Variants in SH3BP4 observed in about 807,000 individuals in gnomAD.
SH3BP4 encodes SH3 domain-binding protein 4.
A neutral mutation model predicts 65.5 loss-of-function variants in SH3BP4; 33 were observed. The ratio of observed to expected loss-of-function variants is 0.50; its 90% CI spans 0.38 to 0.67. The LOEUF (loss-of-function observed/expected upper bound fraction) is 0.67. Among genes scored for constraint, SH3BP4 ranks in the 30% least tolerant of loss-of-function variants. The probability of loss-of-function intolerance (pLI) is 0.00; values close to 1 mark genes in which losing one functional copy is unlikely to be tolerated. For missense variants in SH3BP4, 1,134 were observed against 1,261.4 expected, an observed-to-expected ratio of 0.90 and a Z score of 1.53; for synonymous variants, 552 against 545.5, an observed-to-expected ratio of 1.01 and a Z score of -0.17.
At position 235,042,462 on chromosome 2, in the gene SH3BP4, A is replaced by T; in HGVS notation, c.1693A>T (p.Lys565Ter). The change falls in exon 4 of 6, where the codon AAG becomes TAG. Residue 565 changes from lysine to a stop codon, truncating the protein, a stop_gained. Coordinates refer to ENST00000392011, the MANE Select transcript of SH3BP4 (RefSeq NM_014521.3). LOFTEE classifies it high-confidence loss of function. This position sits in a 1 kb window ranked among gnomAD's most constrained non-coding sequence, Gnocchi z 7.3. ...CAAAGTGGTGCGAGGATTCCAGCTGAAGCTGGGCAAGGTGAGCCGCCTGAT... is the reference window on the plus strand; with the variant it reads ...CAAAGTGGTGCGAGGATTCCAGCTGTAGCTGGGCAAGGTGAGCCGCCTGAT... ...QAKVVRGFQL[K>*]LGKVSRLIFP... is the part of the protein sequence containing the mutation. The T allele has an allele frequency of 6.2e-7, 1 of 1,614,122 alleles. No homozygotes were observed. Among genetic ancestry groups the T allele is most frequent in the Non-Finnish European group, 8.5e-7 (1 of 1,180,010 alleles).
rs1400640789 is a variant in SH3BP4, at chr2:234,976,245, T to A, written c.-206-19058T>A. The stretch of plus-strand genomic sequence containing the variant: ...CCAGCAGCAGCCCACCTGGCCAGGT[T>A]TGAAGGGCTTGGGCAGGACAGGTGG... On this transcript the variant is annotated intron_variant, in intron 1 of 5. Transcript: ENST00000392011. The surrounding 1 kb of genome is among the most constrained non-coding windows in gnomAD (Gnocchi z 4.7). 6.6e-6 allele frequency among the ~76,000 whole-genome samples: 1 copy of A among 152,232 alleles called. No individual in the cohort carries two copies. Among genetic ancestry groups the A allele is most frequent in the Non-Finnish European group, 1.5e-5 (1 of 68,042 alleles).
At chr2:234,959,796 C>T (rs960550448) in intron 1 of SH3BP4, among the ~76,000 whole-genome samples, 3 of 151,940 alleles carry the variant, frequency 2.0e-5, no homozygotes, top group East Asian at 1.9e-4. Context: ...GGATTACAGG[C>T]GCATGCCACC....
chr2:235,032,633 G>T (rs1188308129), intron 2 of SH3BP4, among the ~76,000 whole-genome samples: 1 of 151,688 alleles, frequency 6.6e-6, no homozygotes, highest in Non-Finnish European at 1.5e-5. Flanking sequence ...TCACGTGGCG[G>T]CAAGACCCCT....
intron 3 of SH3BP4, among the ~76,000 whole-genome samples, chr2:235,039,957 A>G (rs1225677149): frequency 1.3e-5 from 2 of 152,220 alleles, no homozygotes; most frequent in Non-Finnish European, 2.9e-5. Context: ...AGGTTGGGCC[A>G]GGCGCAGTGG....
At chr2:234,996,261 A>G (rs1162346378) in intron 2 of SH3BP4, among the ~76,000 whole-genome samples, 1 of 152,320 alleles carries the variant, frequency 6.6e-6, no homozygotes, top group East Asian at 1.9e-4. Flanking sequence ...CCACGTTGGA[A>G]TTTTAAAAGC....
At chr2:234,962,298 G>A (rs557854220) in intron 1 of SH3BP4, among the ~76,000 whole-genome samples, 8 of 151,766 alleles carry the variant, frequency 5.3e-5, no homozygotes, top group South Asian at 2.1e-4. Context: ...CACCACGCTC[G>A]GGTAATTTTT....
At chr2:234,970,645 C>T (rs767135704) in intron 1 of SH3BP4, among the ~76,000 whole-genome samples, 8 of 152,206 alleles carry the variant, frequency 5.3e-5, no homozygotes, top group Non-Finnish European at 1.2e-4. Context: ...TTTCCTGGAG[C>T]GCCTTCCCTC....
rs1160876523 is a variant in SH3BP4 at position 234,978,425 on chromosome 2, C to T, written c.-206-16878C>T. ...CCTCCTCACTGCAGTCACTGCGGGA[C>T]CAGGTACTCTTTTCCTGCGCCCCAC... is the stretch of plus-strand genomic sequence containing the variant. On this transcript the variant is annotated intron_variant, in intron 1 of 5. Coordinates refer to ENST00000392011, the MANE Select transcript of SH3BP4 (RefSeq NM_014521.3). This position sits in a 1 kb window ranked among gnomAD's most constrained non-coding sequence, Gnocchi z 4.1. Among the ~76,000 whole-genome samples the T allele has an allele frequency of 1.3e-5, 2 of 152,168 alleles. No individual in the cohort carries two copies. The highest frequency in any genetic ancestry group is 1.5e-5 in the Non-Finnish European group (1 of 68,038).
rs200133390 is a variant in SH3BP4 at position 235,053,832 on chromosome 2, T to G, written c.*16T>G. 1.2e-3 allele frequency: 1,866 copies of G among 1,593,940 alleles called. 5 individuals are homozygous for G. Among genetic ancestry groups the G allele is most frequent in the Non-Finnish European group, 1.5e-3 (1,723 of 1,161,780 alleles). On this transcript the variant is annotated 3_prime_UTR_variant, in exon 6 of 6. Coordinates refer to ENST00000392011, the MANE Select transcript of SH3BP4 (RefSeq NM_014521.3). ...CGTGATTTGAATGGGTCCCCTCCCC[T>G]CCTGCTGCTCTGGAGTGCAAGCCCT... is the stretch of plus-strand genomic sequence containing the variant.
chr2:235,024,111 G>A (rs1036465823), intron 2 of SH3BP4, among the ~76,000 whole-genome samples: 3 of 152,196 alleles, frequency 2.0e-5, no homozygotes, highest in Non-Finnish European at 4.4e-5. Context: ...CTTCAGTAAG[G>A]AAATTCATTC....
intron 1 of SH3BP4, among the ~76,000 whole-genome samples, chr2:234,972,286 C>T (rs1693025151): frequency 6.6e-6 from 1 of 151,972 alleles, no homozygotes; most frequent in Non-Finnish European, 1.5e-5. Flanking sequence ...CACGCACCAC[C>T]ATGCCCGGCT....
At chr2:234,993,149 G>A (rs1250126491) in intron 1 of SH3BP4, among the ~76,000 whole-genome samples, 6 of 152,232 alleles carry the variant, frequency 3.9e-5, no homozygotes, top group South Asian at 2.1e-4. Context: ...AAGTGCCCCC[G>A]GCAGAGTGAG....
At chr2:234,966,236 G>A (rs1692833919) in intron 1 of SH3BP4, among the ~76,000 whole-genome samples, 1 of 152,134 alleles carries the variant, frequency 6.6e-6, no homozygotes. Context: ...AAATTAACCA[G>A]GCCTGGCCTG....
At chr2:234,965,982 TG>T (rs1692825851) in intron 1 of SH3BP4, among the ~76,000 whole-genome samples, 1 of 152,146 alleles carries the variant, frequency 6.6e-6, no homozygotes, top group South Asian at 2.1e-4. Context: ...AATTGTTGTT[TG>T]GGTTGAGATT....
At chr2:235,011,239 CCT>C (rs139695374) in intron 2 of SH3BP4, among the ~76,000 whole-genome samples, 13,589 of 147,164 alleles carry the variant, frequency 0.092, 1,163 homozygotes, top group East Asian at 0.25. Context: ...GAGAACCCTT[CCT>C]CTCTCTCCTA....
chr2:234,996,300 C>G (rs1243749980), intron 2 of SH3BP4, among the ~76,000 whole-genome samples: 1 of 152,208 alleles, frequency 6.6e-6, no homozygotes, highest in Admixed American at 6.5e-5. Context: ...CAGCTACTTG[C>G]ACTGTTTCAG....
chr2:235,025,118 C>T (rs1694958907), intron 2 of SH3BP4, among the ~76,000 whole-genome samples: 1 of 152,168 alleles, frequency 6.6e-6, no homozygotes, highest in African/African-American at 2.4e-5. Context: ...CCAGCCTTCC[C>T]ATGTGATTCA....
At chr2:234,981,208 C>G (rs1005717399) in intron 1 of SH3BP4, among the ~76,000 whole-genome samples, 2 of 152,218 alleles carry the variant, frequency 1.3e-5, no homozygotes, top group Non-Finnish European at 2.9e-5. Context: ...ATTCCTAGTC[C>G]TGGCCTGTGT....
chr2:234,980,697 CCGCA>C (rs1693351116), intron 1 of SH3BP4, among the ~76,000 whole-genome samples: 2 of 152,120 alleles, frequency 1.3e-5, no homozygotes, highest in African/African-American at 4.8e-5. Context: ...CCAGGCTCCT[CCGCA>C]TGCTCCCCTC....
Sources: gnomAD v4.1 joint callset for allele counts (sites outside exome capture counted in the v4.1 genomes callset) on GRCh38, gnomAD v4.1.1 for gene constraint, Gnocchi (gnomAD v3.1) non-coding constraint, MANE v1.5 for transcripts, NCBI Gene and HGNC (gene_info 2026-07-23, HGNC 2026-07-21) for gene names.